Variants in UGGT2 observed in about 807,000 individuals in gnomAD.
UGGT2 encodes UDP-glucose glycoprotein glucosyltransferase 2, also known as UDP-glucose:glycoprotein glucosyltransferase 2.
Under a neutral mutation model 192.1 loss-of-function variants are expected in UGGT2, and 180 were observed. That is an observed-to-expected ratio of 0.94 (90% CI 0.83 to 1.06). The LOEUF is 1.06. Ranked by LOEUF, UGGT2 falls within the 50% of genes least tolerant of loss-of-function variation. UGGT2 has a pLI of 0.00. For synonymous variants in UGGT2, 580 were observed against 591.0 expected (o/e 0.98, Z 0.27); for missense variants, 1,849 against 1,795.7 (o/e 1.03, Z -0.54).
intron 29 of UGGT2, among the ~76,000 whole-genome samples, chr13:95,872,527 T>C (rs566708918): frequency 2.3e-4 from 35 of 152,214 alleles, no homozygotes; most frequent in Non-Finnish European, 4.6e-4. Flanking sequence ...TTATATTTTA[T>C]ATTGACCTCG....
chr13:95,985,747 T>C (rs1034152518), intron 9 of UGGT2, among the ~76,000 whole-genome samples: 19 of 152,176 alleles, frequency 1.2e-4, no homozygotes, highest in South Asian at 4.1e-4. Flanking sequence ...ACGTGGTAAC[T>C]TGCATTGCAT....
chr13:95,980,842 C>T (rs1276113139), intron 10 of UGGT2, among the ~76,000 whole-genome samples: 1 of 152,058 alleles, frequency 6.6e-6, no homozygotes, highest in African/African-American at 2.4e-5. Context: ...ACTAAAAATA[C>T]AAAAATTAGC....
intron 6 of UGGT2, among the ~76,000 whole-genome samples, chr13:95,997,449 C>T (rs1215238719): frequency 1.3e-5 from 2 of 152,032 alleles, no homozygotes; most frequent in South Asian, 2.1e-4. Flanking sequence ...TCAATACCAG[C>T]CTGGCCAACA....
chr13:95,871,583 T>C (rs1014396322), intron 29 of UGGT2, among the ~76,000 whole-genome samples: 1 of 152,130 alleles, frequency 6.6e-6, no homozygotes, highest in Admixed American at 6.5e-5. Context: ...GGAGCAGGAT[T>C]GGGTATTTGA....
At chr13:96,006,931 C>T (rs552926377) in intron 5 of UGGT2, among the ~76,000 whole-genome samples, 2 of 152,168 alleles carry the variant, frequency 1.3e-5, no homozygotes, top group Non-Finnish European at 2.9e-5. Context: ...AGAACACCTC[C>T]AAATTCATTC....
intron 36 of UGGT2, among the ~76,000 whole-genome samples, chr13:95,848,123 A>G (rs1007796195): frequency 1.3e-5 from 2 of 152,184 alleles, no homozygotes; most frequent in Non-Finnish European, 2.9e-5. Flanking sequence ...GTGTCTGTTA[A>G]GGTCTTTGAT....
intron 36 of UGGT2, among the ~76,000 whole-genome samples, chr13:95,848,092 C>T (rs745724988): frequency 5.3e-5 from 8 of 152,160 alleles, no homozygotes; most frequent in Admixed American, 2.6e-4. Context: ...TATATGTCAT[C>T]TGTATATGTT....
intron 22 of UGGT2, among the ~76,000 whole-genome samples, chr13:95,898,621 G>C (rs2389531): frequency 0.35 from 53,826 of 151,990 alleles, 10,330 homozygotes; most frequent in East Asian, 0.46. Context: ...CAATGCAACA[G>C]TGTTGGGAGC....
chr13:95,894,562 C>T lies in UGGT2; in HGVS notation c.2855G>A (p.Ser952Asn). ...YDVTFLRENH[S>N]VIKTNPQEND... ...CAAACAAATACGAATACATTCTTACCTGTGATTCTCCCTAAGAAATGTGAC... is the reference window on the plus strand; with the variant it reads ...CAAACAAATACGAATACATTCTTACTTGTGATTCTCCCTAAGAAATGTGAC... Residue 952 changes from serine (S) to asparagine (N), a missense_variant and splice_region_variant, in exon 24 of 39, where the codon AGT becomes AAT. By Grantham distance (46) the Ser-to-Asn change is conservative. Coordinates refer to ENST00000376747, the MANE Select transcript of UGGT2 (RefSeq NM_020121.4). 6.2e-7 allele frequency: 1 copy of T among 1,608,148 alleles called. No individual in the cohort carries two copies. The highest frequency in any genetic ancestry group is 1.1e-5 in the South Asian group (1 of 90,216).
rs553591620 is a variant in UGGT2, at chr13:95,895,427, G to A, written c.2635-123C>T. 5.8e-5 allele frequency: 34 copies of A among 586,828 alleles called. No individual in the cohort carries two copies. In the African/African-American group the frequency reaches 6.3e-4, roughly 11 times the overall value. 36.4% of individuals were successfully genotyped at this position (586,828 alleles called of 1,614,324 possible). A position where few individuals can be genotyped will look rare whatever the true frequency, so the allele number is the denominator to read the frequency against. ...AAATGAATTAGAGATTAAAGATATG[G>A]TAGCTATTAATCCTGCCATTTACTA... On this transcript the variant is annotated intron_variant, in intron 22 of 38. Transcript: ENST00000376747.
In UGGT2 at chr13:95,929,021, C is replaced by T. The variant is rs545154705; in HGVS notation, c.1978-1685G>A. Among the ~76,000 whole-genome samples the T allele has an allele frequency of 1.5e-3, 225 of 152,250 alleles. 1 individual carries two copies. Among genetic ancestry groups the T allele is most frequent in the African/African-American group, 5.3e-3 (219 of 41,570 alleles). On this transcript the variant is annotated intron_variant, in intron 17 of 38. Transcript: ENST00000376747. ...CAGCCCGGCCAACACAGCGAAACCC[C>T]GTCTCCACCAAAAAATACGAAAACC...
intron 17 of UGGT2, among the ~76,000 whole-genome samples, chr13:95,934,205 T>G (rs1485105622): frequency 6.6e-6 from 1 of 152,260 alleles, no homozygotes; most frequent in East Asian, 1.9e-4. Context: ...TTTCTATTTT[T>G]ATTCTACTGT....
Position 96,031,856 on chromosome 13 carries a change from A to C in UGGT2, c.241+33T>G, listed in dbSNP as rs760284667. 2.7e-6 allele frequency: 4 copies of C among 1,506,744 alleles called. No homozygotes were observed. The South Asian group carries it at 3.6e-5, about 14-fold the overall frequency. The allele number at this position is 1,506,744 out of a possible 1,614,324, so 93.3% of individuals were successfully genotyped here. On this transcript the variant is annotated intron_variant, in intron 2 of 38. Coordinates refer to ENST00000376747, the MANE Select transcript of UGGT2 (RefSeq NM_020121.4). The stretch of plus-strand genomic sequence containing the variant: ...ATTACAATGTGTGTACATAAATACA[A>C]ATCTTACAAGTTAAAATTTACATAT...
intron 20 of UGGT2, among the ~76,000 whole-genome samples, chr13:95,923,180 T>C (rs2048902298): frequency 6.6e-6 from 1 of 152,036 alleles, no homozygotes; most frequent in Admixed American, 6.6e-5. Context: ...GCCTCTCAAA[T>C]AACTGGGACT....
intron 37 of UGGT2, among the ~76,000 whole-genome samples, chr13:95,834,569 G>GT (rs1276341257): frequency 2.6e-5 from 4 of 152,092 alleles, no homozygotes; most frequent in Non-Finnish European, 4.4e-5. Context: ...CTTTTCTTCT[G>GT]TTAGGCCATT....
intron 36 of UGGT2, among the ~76,000 whole-genome samples, chr13:95,842,169 T>C (rs1041582947): frequency 1.3e-5 from 2 of 152,190 alleles, no homozygotes; most frequent in African/African-American, 4.8e-5. Flanking sequence ...CTGTGTCCTT[T>C]TGCAATTGTT....
intron 1 of UGGT2, among the ~76,000 whole-genome samples, chr13:96,043,406 C>T (rs2053220444): frequency 6.6e-6 from 1 of 152,044 alleles, no homozygotes; most frequent in South Asian, 2.1e-4. Flanking sequence ...TAAATCAAAA[C>T]AGAACCTCTT....
At chr13:95,948,168 T>A in intron 13 of UGGT2, 87 bp from the exon 14 acceptor site, 1 of 1,011,298 alleles carries the variant, frequency 9.9e-7, no homozygotes. Flanking sequence ...TGACTGAAAG[T>A]ATGAAATTCA....
At chr13:95,889,503 C>T (rs2047741905) in intron 25 of UGGT2, among the ~76,000 whole-genome samples, 1 of 152,140 alleles carries the variant, frequency 6.6e-6, no homozygotes, top group Admixed American at 6.6e-5. Context: ...TTTCACCAGA[C>T]TCAATATCTA....
Sources: gnomAD v4.1 joint callset for allele counts (sites outside exome capture counted in the v4.1 genomes callset) on GRCh38, gnomAD v4.1.1 for gene constraint, MANE v1.5 for transcripts, NCBI Gene and HGNC (gene_info 2026-07-23, HGNC 2026-07-21) for gene names.